The following UFD1 variants were observed in gnomAD, a reference collection of about 807,000 sequenced individuals.
UFD1 encodes ubiquitin recognition factor in ER-associated degradation protein 1.
UFD1 carries 13 observed loss-of-function variants against 45.9 expected under a neutral mutation model. The observed-to-expected ratio is 0.28, with a 90% CI of 0.18 to 0.45. UFD1 has a LOEUF of 0.45. Among genes scored for constraint, UFD1 ranks in the 20% least tolerant of loss-of-function variants. The pLI is 1.00. For missense variants in UFD1, 218 were observed against 389.2 expected (o/e 0.56, Z 3.70); for synonymous variants, 128 against 139.2 (o/e 0.92, Z 0.56).
At chr22:19,453,089 A>AT (rs2089695756) in intron 11 of UFD1, 1 of 985,430 alleles carries the variant, frequency 1.0e-6, no homozygotes. Context: ...CACTTCAGAG[A>AT]TAGTAGTCTA....
intron 9 of UFD1, 64 bp from the exon 10 acceptor site, chr22:19,455,832 G>A (rs898993332): frequency 1.5e-4 from 229 of 1,479,674 alleles, no homozygotes; most frequent in Admixed American, 4.9e-4. Context: ...TCCTTTGCTT[G>A]GAGATCACTG....
At chr22:19,477,466 C>T (rs1241852264) in intron 1 of UFD1, among the ~76,000 whole-genome samples, 1 of 152,146 alleles carries the variant, frequency 6.6e-6, no homozygotes, top group Non-Finnish European at 1.5e-5. Flanking sequence ...GAGTCCGCTT[C>T]TAGGAAGTAC....
chr22:19,465,027 C>A lies in UFD1; in HGVS notation c.495+175G>T, dbSNP rs1003507486. The A allele has an allele frequency of 2.3e-5, 14 of 618,020 alleles. No homozygotes were observed. In the African/African-American group the frequency reaches 2.6e-4, roughly 11 times the overall value. The allele number at this position is 618,020 out of a possible 1,614,324, so 38.3% of individuals were successfully genotyped here. ...GCAATCTATCCTCAAAACAGAGTTA[C>A]CAAATGAATTAGGGCTCTAAATATG... On this transcript the variant is annotated intron_variant, in intron 6 of 11. Transcript: ENST00000263202.
intron 5 of UFD1, chr22:19,465,567 AG>A: frequency 2.7e-6 from 1 of 375,506 alleles, no homozygotes; most frequent in Admixed American, 4.1e-5. Flanking sequence ...TGAGAAAGAC[AG>A]ATCTATGAGG....
Position 19,454,409 on chromosome 22 carries a change from G to A in UFD1, c.849+340C>T, listed in dbSNP as rs1021931287. On this transcript the variant is annotated intron_variant, in intron 11 of 11. Transcript: ENST00000263202. Reference sequence around the variant, plus strand: ...TGGGAGGTAACTGAGTCATGAGGGCGGGTCTTTTCCGTGCTGTTATCATGA... The same window carrying A: ...TGGGAGGTAACTGAGTCATGAGGGCAGGTCTTTTCCGTGCTGTTATCATGA... 9.8e-6 allele frequency: 8 copies of A among 813,086 alleles called. No individual in the cohort carries two copies. The Admixed American group carries it at 2.1e-4, about 22-fold the overall frequency. 50.4% of individuals were successfully genotyped at this position (813,086 alleles called of 1,614,324 possible). A position where few individuals can be genotyped will look rare whatever the true frequency, so the allele number is the denominator to read the frequency against.
chr22:19,466,119 A>G (rs2089799959), intron 5 of UFD1: 1 of 152,362 alleles, frequency 6.6e-6, no homozygotes, highest in South Asian at 2.1e-4. Flanking sequence ...TTGGTCAAAC[A>G]GCTTTCCAGA....
intron 4 of UFD1, among the ~76,000 whole-genome samples, chr22:19,469,663 A>T (rs2089829420): frequency 6.6e-6 from 1 of 152,142 alleles, no homozygotes; most frequent in Non-Finnish European, 1.5e-5. Context: ...GAAGCTTGGG[A>T]GCATGGGTGG....
At chr22:19,461,150 G>A (rs1163860849) in intron 6 of UFD1, among the ~76,000 whole-genome samples, 1 of 152,162 alleles carries the variant, frequency 6.6e-6, no homozygotes, top group Non-Finnish European at 1.5e-5. Context: ...TTATTTCACT[G>A]AGCAGAATGT....
At chr22:19,453,759 AC>A in intron 11 of UFD1, 1 of 985,516 alleles carries the variant, frequency 1.0e-6, no homozygotes, top group Non-Finnish European at 1.2e-6. Context: ...TCTGTCCCCA[AC>A]CACCCCAAGT....
chr22:19,463,256 C>T (rs2089779721), intron 6 of UFD1, among the ~76,000 whole-genome samples: 1 of 152,190 alleles, frequency 6.6e-6, no homozygotes, highest in Admixed American at 6.5e-5. Context: ...TCATATGTTC[C>T]ATCCCCTTGC....
intron 1 of UFD1, 138 bp downstream of exon 1, chr22:19,478,945 C>G: frequency 1.7e-6 from 2 of 1,211,694 alleles, no homozygotes; most frequent in Non-Finnish European, 2.2e-6. Context: ...CCCGGTGCGG[C>G]CGATGAGCCT....
At chr22:19,452,972 A>T in intron 11 of UFD1, 1 of 933,522 alleles carries the variant, frequency 1.1e-6, no homozygotes, top group Non-Finnish European at 1.3e-6. Context: ...ATCTTTGGGG[A>T]AACTATTTCC....
intron 4 of UFD1, 147 bp downstream of exon 4, chr22:19,471,540 C>A (rs2089845464): frequency 8.2e-7 from 1 of 1,213,922 alleles, no homozygotes; most frequent in Non-Finnish European, 1.2e-6. Context: ...TGCTCTGGAT[C>A]CCTTCTCTCT....
At chr22:19,452,580 A>G (rs1461195075) in intron 11 of UFD1, 3 of 152,318 alleles carry the variant, frequency 2.0e-5, no homozygotes, top group Non-Finnish European at 4.4e-5. Flanking sequence ...GCTGGAGTGC[A>G]GTGGTGTGAT....
rs36104788 is a variant in UFD1 at position 19,454,642 on chromosome 22, G to GAA, written c.849+105_849+106dup. ...CGGGTACATCTTTACCAGCAGCTTG[G>GAA]AAACAGACTAATGCACACCCCTACT... On this transcript the variant is annotated intron_variant, in intron 11 of 11. Coordinates refer to ENST00000263202, the MANE Select transcript of UFD1 (RefSeq NM_005659.7). 1.2e-5 allele frequency: 19 copies of GAA among 1,578,140 alleles called. No homozygotes were observed. In the East Asian group the frequency reaches 3.9e-4, roughly 32 times the overall value.
Position 19,450,915 on chromosome 22 carries a change from C to G in UFD1, c.850-171G>C, listed in dbSNP as rs1236377437. The G allele has an allele frequency of 3.6e-6, 5 of 1,397,972 alleles. No homozygotes were observed. In the African/African-American group the frequency reaches 7.2e-5, roughly 20 times the overall value. 86.6% of individuals were successfully genotyped at this position (1,397,972 alleles called of 1,614,324 possible). ...CTTTAGGAGGCCTAGGTGGGAGGATCACTTGAGCCCAGGAGTTCAAGACCA... is the reference window on the plus strand; with the variant it reads ...CTTTAGGAGGCCTAGGTGGGAGGATGACTTGAGCCCAGGAGTTCAAGACCA... On this transcript the variant is annotated intron_variant, in intron 11 of 11. Transcript: ENST00000263202.
At chr22:19,475,355 T>C in intron 2 of UFD1, 115 bp downstream of exon 2, 2 of 1,481,284 alleles carry the variant, frequency 1.4e-6, no homozygotes, top group Non-Finnish European at 1.8e-6. Flanking sequence ...CCAGCACCAT[T>C]TTCACAGTAA....
intron 11 of UFD1, chr22:19,451,400 G>T (rs1235482992): frequency 2.0e-6 from 2 of 985,088 alleles, no homozygotes; most frequent in African/African-American, 3.5e-5. Flanking sequence ...AAATTCCTGG[G>T]TCAAAGTGTG....
At position 19,479,190 on chromosome 22, in the gene UFD1, G is replaced by T; in HGVS notation, c.-105C>A. ...CTGCCGCTGCCGCCGCGCCAAGCCG[G>T]TACGCCCCAGAGGCTCACCGGAAGT... On this transcript the variant is annotated 5_prime_UTR_variant, in exon 1 of 12. Coordinates refer to ENST00000263202, the MANE Select transcript of UFD1 (RefSeq NM_005659.7). The T allele has an allele frequency of 6.4e-7, 1 of 1,573,838 alleles. No homozygotes were observed. The highest frequency in any genetic ancestry group is 2.3e-5 in the East Asian group (1 of 42,724).
Sources: gnomAD v4.1 joint callset for allele counts (sites outside exome capture counted in the v4.1 genomes callset) on GRCh38, gnomAD v4.1.1 for gene constraint, MANE v1.5 for transcripts, NCBI Gene and HGNC (gene_info 2026-07-23, HGNC 2026-07-21) for gene names.